Variants in PTPRM observed in about 807,000 individuals in gnomAD.
PTPRM encodes the protein protein tyrosine phosphatase receptor type M.
Under a neutral mutation model 186.7 loss-of-function variants are expected in PTPRM, and 47 were observed. That is an observed-to-expected ratio of 0.25 (90% CI 0.20 to 0.32). The LOEUF (loss-of-function observed/expected upper bound fraction) is 0.32, where lower values mean the gene tolerates loss of function less well. PTPRM is among the 10% of genes least tolerant of loss of function. PTPRM has a pLI of 1.00. For missense variants in PTPRM, 1,494 were observed against 1,865.0 expected (o/e 0.80, Z 3.66); for synonymous variants, 668 against 674.9 (o/e 0.99, Z 0.16).
chr18:8,210,019 A>C (rs59924965), intron 14 of PTPRM, among the ~76,000 whole-genome samples: 2 of 122,918 alleles, frequency 1.6e-5, no homozygotes, highest in Admixed American at 8.0e-5. Context: ...AAAAAAAAAA[A>C]GGTGCTCGGG....
At chr18:7,639,757 A>T (rs1300601856) in intron 1 of PTPRM, among the ~76,000 whole-genome samples, 2 of 152,172 alleles carry the variant, frequency 1.3e-5, no homozygotes, top group African/African-American at 4.8e-5. Flanking sequence ...AGCAGATATC[A>T]TCCTGATATT....
intron 2 of PTPRM, among the ~76,000 whole-genome samples, chr18:7,830,972 A>G (rs1194487514): frequency 6.6e-6 from 1 of 152,150 alleles, no homozygotes; most frequent in African/African-American, 2.4e-5. Context: ...TTATCTCACT[A>G]CTTAAAAATG....
intron 23 of PTPRM, among the ~76,000 whole-genome samples, chr18:8,348,472 G>T (rs2095517564): frequency 6.6e-6 from 1 of 152,246 alleles, no homozygotes; most frequent in Admixed American, 6.5e-5. Context: ...CGTGTTCTGG[G>T]AAGAGACCCT....
intron 2 of PTPRM, among the ~76,000 whole-genome samples, chr18:7,803,118 T>C (rs2145379598): frequency 6.6e-6 from 1 of 152,282 alleles, no homozygotes; most frequent in African/African-American, 2.4e-5. Context: ...GATAAATATA[T>C]TGGCAGGTTA....
rs576188559 is a variant in PTPRM, at chr18:7,966,694, C to G, written c.1132+11280C>G. Among the ~76,000 whole-genome samples, 5 of 147,400 alleles carry G rather than the reference C, an allele frequency of 3.4e-5. No individual in the cohort carries two copies. The East Asian group carries it at 7.9e-4, about 23-fold the overall frequency. On this transcript the variant is annotated intron_variant, in intron 7 of 32. Coordinates refer to ENST00000580170, the MANE Select transcript of PTPRM (RefSeq NM_001105244.2). ...CTTTCCGAGTCAAAGAAAGGGGTGA[C>G]GGGCGCACCTGGAAAATCGGGTCAC...
At chr18:8,400,263 C>T (rs1568914101) in intron 32 of PTPRM, among the ~76,000 whole-genome samples, 2 of 152,218 alleles carry the variant, frequency 1.3e-5, no homozygotes, top group Non-Finnish European at 2.9e-5. Flanking sequence ...TCCCTGGGCC[C>T]ACCTGGAGAC....
At chr18:8,098,551 C>A (rs561580042) in intron 11 of PTPRM, among the ~76,000 whole-genome samples, 4 of 152,182 alleles carry the variant, frequency 2.6e-5, no homozygotes, top group African/African-American at 7.2e-5. Flanking sequence ...ATATCATGAA[C>A]CTTCCATAGA....
chr18:7,822,880 C>A (rs2045275190), intron 2 of PTPRM, among the ~76,000 whole-genome samples: 1 of 152,182 alleles, frequency 6.6e-6, no homozygotes, highest in Non-Finnish European at 1.5e-5. Flanking sequence ...TCCTTTCCTG[C>A]CGCAGCTGTG....
At chr18:7,885,546 A>G (rs1288233830) in intron 2 of PTPRM, among the ~76,000 whole-genome samples, 1 of 152,164 alleles carries the variant, frequency 6.6e-6, no homozygotes, top group Non-Finnish European at 1.5e-5. Flanking sequence ...CACATAAACC[A>G]AGAGGACTTG....
chr18:7,730,746 G>A (rs1245107784), intron 1 of PTPRM, among the ~76,000 whole-genome samples: 2 of 152,196 alleles, frequency 1.3e-5, no homozygotes, highest in African/African-American at 4.8e-5. Flanking sequence ...GGAGAGGGGT[G>A]ATTAAAAAGC....
chr18:8,309,383 G>T (rs987103509), intron 20 of PTPRM, among the ~76,000 whole-genome samples: 2 of 151,740 alleles, frequency 1.3e-5, no homozygotes, highest in Non-Finnish European at 1.5e-5. Context: ...TGTAAGCTGG[G>T]CTTTTTTTCA....
intron 14 of PTPRM, among the ~76,000 whole-genome samples, chr18:8,240,943 T>G (rs1292725430): frequency 1.3e-5 from 2 of 152,246 alleles, no homozygotes; most frequent in Non-Finnish European, 2.9e-5. Flanking sequence ...TCTGTCCCTG[T>G]GTCAACAGCT....
intron 2 of PTPRM, among the ~76,000 whole-genome samples, chr18:7,857,613 T>G (rs1471777757): frequency 6.6e-6 from 1 of 152,192 alleles, no homozygotes; most frequent in Non-Finnish European, 1.5e-5. Context: ...CCATTTGCCC[T>G]TCCTGCAAAT....
chr18:7,973,607 A>T (rs1001600851), intron 7 of PTPRM, among the ~76,000 whole-genome samples: 2 of 152,042 alleles, frequency 1.3e-5, no homozygotes, highest in Non-Finnish European at 2.9e-5. Context: ...ACCATTTGTC[A>T]TATGTTTTCA....
intron 2 of PTPRM, among the ~76,000 whole-genome samples, chr18:7,803,575 A>G (rs2044082029): frequency 6.6e-6 from 1 of 152,218 alleles, no homozygotes; most frequent in African/African-American, 2.4e-5. Context: ...ATTATTCTGC[A>G]TACTACAGCA....
chr18:7,711,025 TG>T (rs200191054), intron 1 of PTPRM, among the ~76,000 whole-genome samples: 11 of 151,970 alleles, frequency 7.2e-5, no homozygotes, highest in African/African-American at 2.7e-4. Flanking sequence ...TGATGTGGGT[TG>T]GGGGGGAATC....
intron 22 of PTPRM, among the ~76,000 whole-genome samples, chr18:8,329,961 G>A (rs1314856920): frequency 6.6e-6 from 1 of 151,902 alleles, no homozygotes; most frequent in Non-Finnish European, 1.5e-5. Context: ...ACCACACCTG[G>A]CTAATTTTTT....
chr18:7,958,054 G>A (rs530902114), intron 7 of PTPRM, among the ~76,000 whole-genome samples: 127 of 152,212 alleles, frequency 8.3e-4, no homozygotes, highest in African/African-American at 3.0e-3. Flanking sequence ...GTTCAAAAAA[G>A]CCAAGAGTAC....
intron 1 of PTPRM, among the ~76,000 whole-genome samples, chr18:7,573,957 A>T (rs903029787): frequency 2.6e-5 from 4 of 152,146 alleles, no homozygotes; most frequent in African/African-American, 9.7e-5. Context: ...GAAAGTTGTT[A>T]GACTTGCAAC....
Sources: gnomAD v4.1 joint callset for allele counts (sites outside exome capture counted in the v4.1 genomes callset) on GRCh38, gnomAD v4.1.1 for gene constraint, MANE v1.5 for transcripts, NCBI Gene and HGNC (gene_info 2026-07-23, HGNC 2026-07-21) for gene names.